The following TYW3 variants were observed in gnomAD, a reference collection of about 807,000 sequenced individuals.
The protein encoded by TYW3 is tRNA-yW synthesizing protein 3 homolog.
TYW3 carries 26 observed loss-of-function variants against 23.1 expected under a neutral mutation model. That is an observed-to-expected ratio of 1.13 (90% CI 0.83 to 1.56). The LOEUF (loss-of-function observed/expected upper bound fraction) is 1.56. Among genes scored for constraint, TYW3 ranks in the 40% most tolerant of loss-of-function variants. The probability of loss-of-function intolerance (pLI) is 0.00; values close to 1 mark genes in which losing one functional copy is unlikely to be tolerated. For synonymous variants in TYW3, 102 were observed against 105.7 expected (o/e 0.97, Z 0.21); for missense variants, 316 against 311.9 (o/e 1.01, Z -0.10).
Position 74,733,251 on chromosome 1 carries a change from C to T in TYW3, c.7C>T (p.Arg3Cys), listed in dbSNP as rs1557739076. Reference protein sequence around the residue: MDRSAEFRKWKAQ... With the variant: MDCSAEFRKWKAQ... ...GACCCTGAGTCCGTCACCCATGGAT[C>T]GCAGCGCGGAGTTCAGGAAATGGAA... is the stretch of plus-strand genomic sequence containing the variant. The change falls in exon 1 of 6, where the codon CGC becomes TGC. Residue 3 changes from arginine to cysteine, a missense_variant. Physicochemically the swap from Arg to Cys is radical, Grantham distance 180. Coordinates refer to ENST00000370867, the MANE Select transcript of TYW3 (RefSeq NM_138467.3). 1.9e-6 allele frequency: 3 copies of T among 1,613,906 alleles called. No homozygotes were observed. Among genetic ancestry groups the T allele is most frequent in the Non-Finnish European group, 2.5e-6 (3 of 1,179,886 alleles).
At chr1:74,747,412 C>A (rs911608024) in intron 3 of TYW3, among the ~76,000 whole-genome samples, 1 of 151,620 alleles carries the variant, frequency 6.6e-6, no homozygotes, top group East Asian at 1.9e-4. Flanking sequence ...CCGAGGCGGG[C>A]GGATCACGAG....
intron 5 of TYW3, among the ~76,000 whole-genome samples, chr1:74,760,397 T>C (rs930730696): frequency 1.3e-5 from 2 of 152,208 alleles, no homozygotes; most frequent in South Asian, 2.1e-4. Flanking sequence ...GTAAATAATA[T>C]AAAGCGAAAA....
chr1:74,739,445 G>T (rs550169260), intron 3 of TYW3, among the ~76,000 whole-genome samples: 9 of 152,360 alleles, frequency 5.9e-5, no homozygotes, highest in Non-Finnish European at 1.2e-4. Context: ...AGTGCAAAAA[G>T]CAGCTCACTT....
intron 4 of TYW3, among the ~76,000 whole-genome samples, chr1:74,749,264 C>T (rs141666151): frequency 6.6e-6 from 1 of 152,296 alleles, no homozygotes; most frequent in Non-Finnish European, 1.5e-5. Flanking sequence ...ACATTCAGCC[C>T]ACATGGGGCA....
intron 5 of TYW3, among the ~76,000 whole-genome samples, chr1:74,762,126 C>T (rs1052683590): frequency 6.6e-6 from 1 of 152,006 alleles, no homozygotes; most frequent in African/African-American, 2.4e-5. Flanking sequence ...AAGCACAGCA[C>T]TAGATATCAA....
At chr1:74,735,468 A>T (rs561235765) in intron 1 of TYW3, among the ~76,000 whole-genome samples, 1 of 152,200 alleles carries the variant, frequency 6.6e-6, no homozygotes, top group African/African-American at 2.4e-5. Flanking sequence ...TTAGACTTTT[A>T]TTTCTTATCT....
At chr1:74,746,537 A>G (rs1320415868) in intron 3 of TYW3, among the ~76,000 whole-genome samples, 1 of 152,186 alleles carries the variant, frequency 6.6e-6, no homozygotes, top group African/African-American at 2.4e-5. Flanking sequence ...TCAGGGAGCT[A>G]ATTGAAGTGG....
chr1:74,747,803 ATG>A (rs1648628821), intron 3 of TYW3, among the ~76,000 whole-genome samples: 1 of 142,942 alleles, frequency 7.0e-6, no homozygotes, highest in African/African-American at 2.5e-5. Context: ...GTACATATAT[ATG>A]TGTACACACA....
At chr1:74,757,149 C>A (rs1648982014) in intron 5 of TYW3, among the ~76,000 whole-genome samples, 1 of 152,186 alleles carries the variant, frequency 6.6e-6, no homozygotes, top group Non-Finnish European at 1.5e-5. Flanking sequence ...AGGGCAGTGC[C>A]AAAGGGAAGT....
rs1182966742 is a variant in TYW3 at position 74,748,785 on chromosome 1, C to A, written c.389C>A (p.Ser130Tyr). The change falls in exon 4 of 6, where the codon TCT becomes TAT. Residue 130 changes from serine to tyrosine, a missense_variant. Ser to Tyr is a moderately radical substitution (Grantham distance 144). Coordinates refer to ENST00000370867, the MANE Select transcript of TYW3 (RefSeq NM_138467.3). ...SMAIDSGFRN[S>Y]GITVGKRGKT... ...GCAATAGATTCTGGTTTCAGGAACTCTGGCATAACGGTGGGAAAGAGAGGA... is the reference window on the plus strand; with the variant it reads ...GCAATAGATTCTGGTTTCAGGAACTATGGCATAACGGTGGGAAAGAGAGGA... 1.2e-6 allele frequency: 2 copies of A among 1,613,956 alleles called. No homozygotes were observed. The highest frequency in any genetic ancestry group is 2.7e-5 in the African/African-American group (2 of 74,922).
In TYW3 at chr1:74,748,104, A is replaced by G. The variant is rs1420095614; in HGVS notation, c.355-647A>G. Among the ~76,000 whole-genome samples the G allele has an allele frequency of 2.6e-5, 4 of 151,272 alleles. No homozygotes were observed. In the East Asian group the frequency reaches 7.9e-4, roughly 30 times the overall value. On this transcript the variant is annotated intron_variant, in intron 3 of 5. Coordinates refer to ENST00000370867, the MANE Select transcript of TYW3 (RefSeq NM_138467.3). ...GCTGCATCCCTGGCCTCTACCCACT[A>G]TTTGCTAGAGATCTCCCTTCCTCTT...
At chr1:74,758,320 T>C (rs1021010245) in intron 5 of TYW3, among the ~76,000 whole-genome samples, 1 of 152,256 alleles carries the variant, frequency 6.6e-6, no homozygotes, top group Non-Finnish European at 1.5e-5. Flanking sequence ...TGAACATATC[T>C]AATTAAAATC....
In TYW3 at chr1:74,763,871, T is replaced by C. The variant is rs374681029; in HGVS notation, c.561-23T>C. Reference sequence around the variant, plus strand: ...TTCGTTTCAGTACACACAGATATAATAGTAGTACTTATTTCTTCACAGGTT... The same window carrying C: ...TTCGTTTCAGTACACACAGATATAACAGTAGTACTTATTTCTTCACAGGTT... On this transcript the variant is annotated intron_variant, in intron 5 of 5. Transcript: ENST00000370867. The C allele has an allele frequency of 1.8e-4, 276 of 1,563,494 alleles. 1 individual carries two copies. The African/African-American group carries it at 3.3e-3, about 18-fold the overall frequency.
At chr1:74,741,604 G>T (rs1176479620) in intron 3 of TYW3, among the ~76,000 whole-genome samples, 3 of 152,200 alleles carry the variant, frequency 2.0e-5, no homozygotes, top group Non-Finnish European at 4.4e-5. Context: ...CCTTTTCTCT[G>T]TGACATCCTT....
intron 2 of TYW3, among the ~76,000 whole-genome samples, chr1:74,737,588 G>C (rs1254291453): frequency 6.6e-6 from 1 of 152,198 alleles, no homozygotes; most frequent in Admixed American, 6.5e-5. Context: ...TGGTGTGAAG[G>C]CAGGACGATG....
Position 74,733,230 on chromosome 1 carries a change from C to G in TYW3, c.-15C>G, listed in dbSNP as rs1647961245. ...ACCATGAAGGAGCCGAGCGCAGACCCTGAGTCCGTCACCCATGGATCGCAG... is the reference window on the plus strand; with the variant it reads ...ACCATGAAGGAGCCGAGCGCAGACCGTGAGTCCGTCACCCATGGATCGCAG... On this transcript the variant is annotated 5_prime_UTR_variant, in exon 1 of 6. Coordinates refer to ENST00000370867, the MANE Select transcript of TYW3 (RefSeq NM_138467.3). 6 of 1,613,162 alleles carry G rather than the reference C, an allele frequency of 3.7e-6. No homozygotes were observed. The highest frequency in any genetic ancestry group is 1.6e-4 in the Middle Eastern group (1 of 6,080).
chr1:74,738,166 C>G (rs1176743311), intron 2 of TYW3, among the ~76,000 whole-genome samples: 1 of 151,912 alleles, frequency 6.6e-6, no homozygotes, highest in African/African-American at 2.4e-5. Flanking sequence ...GTGCCTGTTA[C>G]AGAGGGAACA....
chr1:74,737,134 C>A (rs1241052201), intron 2 of TYW3, among the ~76,000 whole-genome samples: 2 of 152,176 alleles, frequency 1.3e-5, no homozygotes, highest in Non-Finnish European at 2.9e-5. Flanking sequence ...AGTGAATTTA[C>A]AAATCCAATT....
intron 5 of TYW3, among the ~76,000 whole-genome samples, chr1:74,755,190 C>T (rs1192580377): frequency 6.6e-6 from 1 of 151,994 alleles, no homozygotes; most frequent in Admixed American, 6.6e-5. Context: ...ACTCTATTTT[C>T]TGATAAAATG....
Sources: gnomAD v4.1 joint callset for allele counts (sites outside exome capture counted in the v4.1 genomes callset) on GRCh38, gnomAD v4.1.1 for gene constraint, MANE v1.5 for transcripts, NCBI Gene and HGNC (gene_info 2026-07-23, HGNC 2026-07-21) for gene names.